The following SNAP29 variants were observed in gnomAD, a reference collection of about 807,000 sequenced individuals.
SNAP29 encodes the protein synaptosome associated protein 29.
Under a neutral mutation model 27.9 loss-of-function variants are expected in SNAP29, and 13 were observed. That is an observed-to-expected ratio of 0.47 (90% confidence interval 0.30 to 0.74). SNAP29 has a LOEUF of 0.74. SNAP29 is among the 30% of genes least tolerant of loss of function. The probability of loss-of-function intolerance (pLI) is 0.06; values close to 1 mark genes in which losing one functional copy is unlikely to be tolerated. For missense variants in SNAP29, 368 were observed against 336.5 expected (o/e 1.09, Z -0.73); for synonymous variants, 119 against 127.1 (o/e 0.94, Z 0.43).
At chr22:20,881,336 TCCTC>T (rs1928886907) in intron 3 of SNAP29, among the ~76,000 whole-genome samples, 1 of 152,086 alleles carries the variant, frequency 6.6e-6, no homozygotes, top group Non-Finnish European at 1.5e-5. Flanking sequence ...ATGGTGGGGC[TCCTC>T]CTTCTCTCCC....
chr22:20,875,869 A>T lies in SNAP29; in HGVS notation c.435-5180A>T, dbSNP rs75080594. Reference sequence around the variant, plus strand: ...TTTACATGGACGACCAAAAAAAAAAATGGGGGGGCGGCTGGGTGCAGTGGC... The same window carrying T: ...TTTACATGGACGACCAAAAAAAAAATTGGGGGGGCGGCTGGGTGCAGTGGC... On this transcript the variant is annotated intron_variant, in intron 2 of 4. Transcript: ENST00000215730. 3.6e-4 allele frequency among the ~76,000 whole-genome samples: 55 copies of T among 150,978 alleles called. 1 individual carries two copies. Among genetic ancestry groups the T allele is most frequent in the African/African-American group, 1.3e-3 (53 of 41,188 alleles).
intron 4 of SNAP29, among the ~76,000 whole-genome samples, chr22:20,884,707 G>A (rs945351353): frequency 2.6e-5 from 4 of 152,188 alleles, no homozygotes; most frequent in African/African-American, 4.8e-5. Context: ...CAGCATGGGA[G>A]TGTTTCCATT....
intron 4 of SNAP29, among the ~76,000 whole-genome samples, chr22:20,885,493 A>C (rs188809218): frequency 1.3e-5 from 2 of 152,128 alleles, no homozygotes; most frequent in Non-Finnish European, 2.9e-5. Context: ...GCCCAGATCT[A>C]ACCACTCCAG....
Position 20,859,136 on chromosome 22 carries a change from A to G in SNAP29, c.26A>G (p.Asn9Ser), listed in dbSNP as rs775931172. Residue 9 changes from asparagine to serine, a missense_variant, in exon 1 of 5, where the codon AAT (asparagine) becomes AGT (serine). By Grantham distance (46) the Asn-to-Ser change is conservative. Coordinates refer to ENST00000215730, the MANE Select transcript of SNAP29 (RefSeq NM_004782.4). Reference sequence around the variant, plus strand: ...ATGTCAGCTTACCCTAAAAGCTACAATCCGTTCGACGACGACGGGGAGGAC... The same window carrying G: ...ATGTCAGCTTACCCTAAAAGCTACAGTCCGTTCGACGACGACGGGGAGGAC... The part of the protein sequence containing the change: MSAYPKSY[N>S]PFDDDGEDEG... The G allele has an allele frequency of 2.5e-5, 40 of 1,608,178 alleles. No individual in the cohort carries two copies. Among genetic ancestry groups the G allele is most frequent in the African/African-American group, 4.0e-5 (3 of 75,014 alleles).
At chr22:20,886,432 C>T (rs753740499) in intron 4 of SNAP29, among the ~76,000 whole-genome samples, 3 of 152,034 alleles carry the variant, frequency 2.0e-5, no homozygotes, top group Admixed American at 6.6e-5. Context: ...CTCAGCCTCC[C>T]GAGTAGCTGG....
chr22:20,861,668 C>G (rs1824122871), intron 1 of SNAP29, among the ~76,000 whole-genome samples: 1 of 152,058 alleles, frequency 6.6e-6, no homozygotes, highest in African/African-American at 2.4e-5. Context: ...CGGAGTCTTG[C>G]TCTGTCTCCC....
Position 20,890,113 on chromosome 22 carries a change from C to T in SNAP29, c.*2277C>T, listed in dbSNP as rs115923524. On this transcript the variant is annotated 3_prime_UTR_variant, in exon 5 of 5. Coordinates refer to ENST00000215730, the MANE Select transcript of SNAP29 (RefSeq NM_004782.4). The stretch of plus-strand genomic sequence containing the variant: ...GGACTGTCCGTAAGCTACAGGACAG[C>T]GAGCTGGTCCTTTCTGCCACTTCTT... The T allele has an allele frequency of 1.7e-3, 656 of 395,902 alleles. 6 individuals carry two copies. The highest frequency in any genetic ancestry group is 0.012 in the African/African-American group (600 of 48,672). The allele number at this position is 395,902 out of a possible 1,614,324, so 24.5% of individuals were successfully genotyped here.
chr22:20,881,017 A>G, intron 2 of SNAP29, 32 bp from the exon 3 acceptor site: 1 of 1,430,474 alleles, frequency 7.0e-7, no homozygotes. Flanking sequence ...TCCTTTTTAA[A>G]CGTTTTCTTT....
intron 2 of SNAP29, 65 bp downstream of exon 2, chr22:20,870,598 G>A (rs908303418): frequency 3.4e-6 from 5 of 1,460,336 alleles, no homozygotes; most frequent in Non-Finnish European, 4.7e-6. Context: ...AAATGACCAA[G>A]ACTTTCAGTC....
intron 2 of SNAP29, among the ~76,000 whole-genome samples, chr22:20,872,989 C>T (rs1293860657): frequency 6.6e-6 from 1 of 151,406 alleles, no homozygotes; most frequent in East Asian, 1.9e-4. Context: ...GTCACCATGC[C>T]TGGTTAATTT....
chr22:20,874,852 TTTAA>T (rs1928702869), intron 2 of SNAP29, among the ~76,000 whole-genome samples: 1 of 152,084 alleles, frequency 6.6e-6, no homozygotes, highest in Non-Finnish European at 1.5e-5. Context: ...TTTGGCCACA[TTTAA>T]TTGCCATAGG....
At chr22:20,881,469 C>T (rs1928890201) in intron 3 of SNAP29, among the ~76,000 whole-genome samples, 1 of 152,216 alleles carries the variant, frequency 6.6e-6, no homozygotes, top group African/African-American at 2.4e-5. Flanking sequence ...TTTGGGAGGC[C>T]AAGCTGGGTG....
At chr22:20,885,493 A>G (rs188809218) in intron 4 of SNAP29, among the ~76,000 whole-genome samples, 124 of 152,246 alleles carry the variant, frequency 8.1e-4, no homozygotes, top group Non-Finnish European at 1.4e-3. Flanking sequence ...GCCCAGATCT[A>G]ACCACTCCAG....
intron 3 of SNAP29, among the ~76,000 whole-genome samples, chr22:20,882,869 G>A (rs1190634543): frequency 6.6e-6 from 1 of 152,170 alleles, no homozygotes; most frequent in African/African-American, 2.4e-5. Flanking sequence ...GATAAACCGG[G>A]ATGACAGGGC....
chr22:20,886,891 G>T (rs548373670), intron 4 of SNAP29, among the ~76,000 whole-genome samples: 1 of 152,078 alleles, frequency 6.6e-6, no homozygotes, highest in South Asian at 2.1e-4. Flanking sequence ...GGGATTACAG[G>T]CATGAGCCAT....
At chr22:20,876,863 C>A (rs988913130) in intron 2 of SNAP29, among the ~76,000 whole-genome samples, 12 of 152,176 alleles carry the variant, frequency 7.9e-5, no homozygotes, top group Admixed American at 7.9e-4. Context: ...TATCAAACTT[C>A]TGTTCAGTCA....
At chr22:20,874,789 T>C (rs772590933) in intron 2 of SNAP29, among the ~76,000 whole-genome samples, 8 of 152,094 alleles carry the variant, frequency 5.3e-5, no homozygotes, top group Non-Finnish European at 1.2e-4. Context: ...TTGCTTGTTT[T>C]TTGTTGTTTT....
intron 3 of SNAP29, among the ~76,000 whole-genome samples, chr22:20,882,785 T>C (rs1928918557): frequency 6.6e-6 from 1 of 152,188 alleles, no homozygotes. Flanking sequence ...ATCGACACAG[T>C]TTGCAGAATG....
chr22:20,888,247 G>T lies in SNAP29; in HGVS notation c.*411G>T. Reference sequence around the variant, plus strand: ...TTACCATGAGTCAGAGTGTTAAGGGGGCCTGTGAACCAGTCGTTTGGTGGA... The same window carrying T: ...TTACCATGAGTCAGAGTGTTAAGGGTGCCTGTGAACCAGTCGTTTGGTGGA... On this transcript the variant is annotated 3_prime_UTR_variant, in exon 5 of 5. Coordinates refer to ENST00000215730, the MANE Select transcript of SNAP29 (RefSeq NM_004782.4). The T allele has an allele frequency of 3.3e-6, 1 of 305,376 alleles. No individual in the cohort carries two copies. The highest frequency in any genetic ancestry group is 6.3e-6 in the Non-Finnish European group (1 of 159,092). The allele number at this position is 305,376 out of a possible 1,614,324, so 18.9% of individuals were successfully genotyped here. A position where few individuals can be genotyped will look rare whatever the true frequency, so the allele number is the denominator to read the frequency against.
Sources: allele counts gnomAD v4.1 joint callset (sites outside exome capture counted in the v4.1 genomes callset), GRCh38; gene constraint gnomAD v4.1.1; transcripts MANE v1.5; gene names NCBI Gene and HGNC (gene_info 2026-07-23, HGNC 2026-07-21).